CDC42: variants seen among roughly 807,000 people sequenced by gnomAD.
CDC42 encodes cell division cycle 42.
Under a neutral mutation model 20.8 loss-of-function variants are expected in CDC42, and 1 was observed. The observed-to-expected ratio is 0.05, with a 90% CI of 0.02 to 0.23. The LOEUF (loss-of-function observed/expected upper bound fraction) is 0.23. CDC42 is among the 10% of genes least tolerant of loss of function. The pLI is 1.00. For missense variants in CDC42, 49 were observed against 227.9 expected, an observed-to-expected ratio of 0.21 and a Z score of 5.05; for synonymous variants, 72 against 84.8, an observed-to-expected ratio of 0.85 and a Z score of 0.83.
chr1:22,097,104 C>T lies in CDC42; in HGVS notation c.*5587C>T, dbSNP rs1333582058. ...CTAGTTTAAATCCCTGCATCTTGCA[C>T]ATGGTGAGGAAAGGTGAGGACATTT... On this transcript the variant is annotated 3_prime_UTR_variant, in exon 6 of 6. Coordinates refer to ENST00000656825, the MANE Select transcript of CDC42 (RefSeq NM_001791.4). 2.6e-5 allele frequency among the ~76,000 whole-genome samples: 4 copies of T among 152,238 alleles called. No homozygotes were observed. The highest frequency in any genetic ancestry group is 2.6e-4 in the Admixed American group (4 of 15,290).
intron 1 of CDC42, among the ~76,000 whole-genome samples, chr1:22,077,411 T>C (rs1371705638): frequency 1.3e-5 from 2 of 152,134 alleles, no homozygotes; most frequent in Non-Finnish European, 2.9e-5. Context: ...TGAATGGTGC[T>C]ATAGGAGCAT....
chr1:22,088,377 A>G (rs577487376), intron 5 of CDC42, among the ~76,000 whole-genome samples: 22 of 152,370 alleles, frequency 1.4e-4, no homozygotes, highest in African/African-American at 5.3e-4. Context: ...CTTTTAATGT[A>G]AGATTTTTAC....
intron 1 of CDC42, among the ~76,000 whole-genome samples, chr1:22,070,237 A>G (rs956491853): frequency 6.6e-6 from 1 of 152,206 alleles, no homozygotes; most frequent in South Asian, 2.1e-4. Context: ...GACCTTTGCT[A>G]ACATTCTTAA....
At chr1:22,061,854 C>T (rs1645369753) in intron 1 of CDC42, among the ~76,000 whole-genome samples, 1 of 151,914 alleles carries the variant, frequency 6.6e-6, no homozygotes, top group African/African-American at 2.4e-5. Flanking sequence ...AGCCACTGCG[C>T]CCGGCCTAAC....
At chr1:22,080,747 C>T (rs1645598706) in intron 2 of CDC42, among the ~76,000 whole-genome samples, 1 of 152,210 alleles carries the variant, frequency 6.6e-6, no homozygotes, top group Non-Finnish European at 1.5e-5. Flanking sequence ...TAACTTCGTA[C>T]AACCGATATT....
At chr1:22,087,918 A>G (rs1043549943) in intron 5 of CDC42, among the ~76,000 whole-genome samples, 2 of 152,174 alleles carry the variant, frequency 1.3e-5, no homozygotes, top group Non-Finnish European at 2.9e-5. Context: ...TAGTAAGTTT[A>G]GTACTTGGTT....
rs1381651452 is a variant in CDC42, at chr1:22,100,189, A to T, written c.*8672A>T. On this transcript the variant is annotated 3_prime_UTR_variant, in exon 6 of 6. Transcript: ENST00000656825. ...TCATTAGCTTGACCCAAGCACAGGGAGATGACTGGGGCTCTGCCTTCATCT... is the reference window on the plus strand; with the variant it reads ...TCATTAGCTTGACCCAAGCACAGGGTGATGACTGGGGCTCTGCCTTCATCT... Among the ~76,000 whole-genome samples the T allele has an allele frequency of 1.3e-5, 2 of 152,094 alleles. No individual in the cohort carries two copies. The highest frequency in any genetic ancestry group is 2.9e-5 in the Non-Finnish European group (2 of 68,016).
chr1:22,057,172 A>G (rs1645312078), intron 1 of CDC42, among the ~76,000 whole-genome samples: 1 of 152,178 alleles, frequency 6.6e-6, no homozygotes, highest in Non-Finnish European at 1.5e-5. Context: ...AGTAGTGCTT[A>G]CCTAACAGGG....
rs2124069526 is a variant in CDC42, at chr1:22,098,851, C to G, written c.*7334C>G. Among the ~76,000 whole-genome samples, 1 of 152,222 alleles carries G rather than the reference C, an allele frequency of 6.6e-6. No homozygotes were observed. The highest frequency in any genetic ancestry group is 1.9e-4 in the East Asian group (1 of 5,178). ...TTGGGTCACTGCATCCTTGACCTCC[C>G]CAGCTCAAGCGATCCTCCCGCCTCA... On this transcript the variant is annotated 3_prime_UTR_variant, in exon 6 of 6. Transcript: ENST00000656825.
intron 1 of CDC42, among the ~76,000 whole-genome samples, chr1:22,054,616 C>A (rs1054445569): frequency 6.6e-6 from 1 of 151,854 alleles, no homozygotes; most frequent in African/African-American, 2.4e-5. Context: ...AAGTGCTTTC[C>A]CACTGTTTCT....
chr1:22,061,528 C>G (rs1449684200), intron 1 of CDC42, among the ~76,000 whole-genome samples: 9 of 86,292 alleles, frequency 1.0e-4, no homozygotes, highest in East Asian at 4.1e-4. Context: ...CTTCATGTTT[C>G]TTTCTTTTTT....
At position 22,095,338 on chromosome 1, in the gene CDC42, C is replaced by G. The variant is rs10799733; in HGVS notation, c.*3821C>G. Among the ~76,000 whole-genome samples, 1 of 151,908 alleles carries G rather than the reference C, an allele frequency of 6.6e-6. No homozygotes were observed. The highest frequency in any genetic ancestry group is 2.4e-5 in the African/African-American group (1 of 41,410). ...AGGCTGGAGTGCAGTGGTGCAATCT[C>G]GGCTCATTGCAAGCTCCGCCTCCCG... On this transcript the variant is annotated 3_prime_UTR_variant, in exon 6 of 6. Transcript: ENST00000656825.
At chr1:22,087,381 C>T (rs6696317) in intron 5 of CDC42, among the ~76,000 whole-genome samples, 144,055 of 152,274 alleles carry the variant, frequency 0.95, 68,232 homozygotes, top group East Asian at 1. Context: ...ATATAGTGTC[C>T]CTATTCCTAT....
chr1:22,086,963 C>T, intron 5 of CDC42, 97 bp downstream of exon 5: 1 of 960,320 alleles, frequency 1.0e-6, no homozygotes, highest in Non-Finnish European at 1.6e-6. Context: ...CAGCAGTGCT[C>T]AAAGATGCCC....
At chr1:22,063,422 T>C (rs989855355) in intron 1 of CDC42, among the ~76,000 whole-genome samples, 2 of 152,188 alleles carry the variant, frequency 1.3e-5, no homozygotes, top group Non-Finnish European at 2.9e-5. Flanking sequence ...AGATTTCTGT[T>C]ACCCAGTGTA....
intron 1 of CDC42, among the ~76,000 whole-genome samples, chr1:22,057,498 C>T (rs989674477): frequency 6.6e-6 from 1 of 152,116 alleles, no homozygotes; most frequent in Admixed American, 6.6e-5. Flanking sequence ...AATTTTCCTG[C>T]CTCGGCCTCT....
At position 22,054,891 on chromosome 1, in the gene CDC42, G is replaced by GTATATATATA. The variant is rs1157685736; in HGVS notation, c.-51+2171_-51+2180dup. 3.7e-3 allele frequency among the ~76,000 whole-genome samples: 266 copies of GTATATATATA among 71,850 alleles called. 3 individuals are homozygous for GTATATATATA. The highest frequency in any genetic ancestry group is 5.8e-3 in the African/African-American group (102 of 17,524). The allele number at this position is 71,850 out of a possible 152,430, so 47.1% of individuals were successfully genotyped here. A position where few individuals can be genotyped will look rare whatever the true frequency, so the allele number is the denominator to read the frequency against. On this transcript the variant is annotated intron_variant, in intron 1 of 5. Transcript: ENST00000656825. The stretch of plus-strand genomic sequence containing the variant: ...GAAAGTAACAGTAGTTTGAATTTAT[G>GTATATATATA]TATATATATATATATATATATATAT...
intron 3 of CDC42, among the ~76,000 whole-genome samples, chr1:22,082,410 C>T (rs905072308): frequency 2.6e-5 from 4 of 152,176 alleles, no homozygotes; most frequent in Non-Finnish European, 4.4e-5. Flanking sequence ...TGTCAGCTAT[C>T]CAAATTGTAA....
rs551364038 is a variant in CDC42, at chr1:22,075,077, C to T, written c.-50-3352C>T. On this transcript the variant is annotated intron_variant, in intron 1 of 5. Transcript: ENST00000656825. ...GTTTGGTAAACTGGCTGTCATCTCTCCTGTTTCTCAGAAGGTCAGATAACA... is the reference window on the plus strand; with the variant it reads ...GTTTGGTAAACTGGCTGTCATCTCTTCTGTTTCTCAGAAGGTCAGATAACA... Among the ~76,000 whole-genome samples the T allele has an allele frequency of 4.6e-5, 7 of 152,258 alleles. No individual in the cohort carries two copies. The South Asian group carries it at 1.2e-3, about 27-fold the overall frequency.
Sources: gnomAD v4.1 joint callset for allele counts (sites outside exome capture counted in the v4.1 genomes callset) on GRCh38, gnomAD v4.1.1 for gene constraint, MANE v1.5 for transcripts, NCBI Gene and HGNC (gene_info 2026-07-23, HGNC 2026-07-21) for gene names.